Variants in PCDH11X observed in about 807,000 individuals in gnomAD.
The protein encoded by PCDH11X is protocadherin 11 X-linked.
Under a neutral mutation model 53.3 loss-of-function variants are expected in PCDH11X, and 18 were observed. The observed-to-expected ratio is 0.34, with a 90% confidence interval of 0.23 to 0.50. The LOEUF is 0.50. Among genes scored for constraint, PCDH11X ranks in the 20% least tolerant of loss-of-function variants. The probability of loss-of-function intolerance (pLI) is 0.98; values close to 1 mark genes in which losing one functional copy is unlikely to be tolerated. For synonymous variants in PCDH11X, 279 were observed against 393.3 expected (o/e 0.71, Z 3.44); for missense variants, 570 against 1,032.4 (o/e 0.55, Z 6.14).
chrX:92,031,531 A>G (rs1474117872), intron 6 of PCDH11X, among the ~76,000 whole-genome samples: 1 of 110,750 alleles, frequency 9.0e-6, no homozygotes, highest in Admixed American at 9.7e-5. Context: ...CTTGGCTTGT[A>G]GGGTATGACT....
At chrX:92,569,410 C>A (rs956109490) in intron 10 of PCDH11X, among the ~76,000 whole-genome samples, 30 of 108,034 alleles carry the variant, frequency 2.8e-4, no homozygotes, top group Middle Eastern at 4.8e-3. Context: ...TTAAGGGCCA[C>A]CTCAACACAC....
At chrX:92,175,301 TC>T (rs1390132950) in intron 6 of PCDH11X, among the ~76,000 whole-genome samples, 1 of 111,615 alleles carries the variant, frequency 9.0e-6, no homozygotes, top group African/African-American at 3.3e-5. Context: ...TTTTAAACTG[TC>T]AGTTAATCAT....
chrX:92,100,247 CG>C (rs759170657), intron 6 of PCDH11X, among the ~76,000 whole-genome samples: 61 of 111,582 alleles, frequency 5.5e-4, no homozygotes, highest in Non-Finnish European at 1.0e-3. Context: ...CTTTCATGCG[CG>C]TCCCTGTGAA....
chrX:92,320,063 T>C (rs2069165773), intron 8 of PCDH11X, among the ~76,000 whole-genome samples: 1 of 110,755 alleles, frequency 9.0e-6, no homozygotes, highest in Non-Finnish European at 1.9e-5. Context: ...AGTTAATGGG[T>C]TTGGGGTTGA....
Position 92,035,958 on chromosome X carries a change from C to A in PCDH11X, c.3033+156685C>A, listed in dbSNP as rs1378455328. Among the ~76,000 whole-genome samples, 26 of 26,675 alleles carry A rather than the reference C, an allele frequency of 9.7e-4. 1 individual carries two copies. The highest frequency in any genetic ancestry group is 4.2e-3 in the African/African-American group (23 of 5,467). 23.2% of individuals were successfully genotyped at this position (26,675 alleles called of 115,157 possible). The stretch of plus-strand genomic sequence containing the variant: ...AAGAGTCGATGCATTCTTTAGTATG[C>A]CAATTTCAATTTTCAACTCCATAAT... On this transcript the variant is annotated intron_variant, in intron 6 of 10. Transcript: ENST00000682573.
chrX:92,268,360 C>T (rs903451125), intron 8 of PCDH11X, among the ~76,000 whole-genome samples: 65 of 110,046 alleles, frequency 5.9e-4, no homozygotes, highest in African/African-American at 2.1e-3. Flanking sequence ...GGTGTGATCC[C>T]AGCTCACTGC....
intron 6 of PCDH11X, among the ~76,000 whole-genome samples, chrX:92,093,075 A>G (rs1323163685): frequency 9.0e-6 from 1 of 111,178 alleles, no homozygotes; most frequent in East Asian, 2.8e-4. Flanking sequence ...CCATAACTGA[A>G]AGTTTCCTGA....
intron 8 of PCDH11X, among the ~76,000 whole-genome samples, chrX:92,373,500 G>GT (rs1046675414): frequency 5.4e-5 from 6 of 111,252 alleles, no homozygotes; most frequent in Admixed American, 1.9e-4. Context: ...TGCACCTGCT[G>GT]TTTTTCAAAT....
At chrX:92,383,736 TTGGG>T (rs1393558715) in intron 8 of PCDH11X, among the ~76,000 whole-genome samples, 2 of 111,932 alleles carry the variant, frequency 1.8e-5, no homozygotes, top group Non-Finnish European at 3.8e-5. Flanking sequence ...TGTTGGACAT[TTGGG>T]TTGGTTCCAA....
At chrX:92,545,494 C>T (rs1378983215) in intron 10 of PCDH11X, among the ~76,000 whole-genome samples, 6 of 104,096 alleles carry the variant, frequency 5.8e-5, no homozygotes, top group Non-Finnish European at 1.2e-4. Flanking sequence ...CTCCGCTTCC[C>T]GGGTTCATGT....
intron 8 of PCDH11X, among the ~76,000 whole-genome samples, chrX:92,350,092 T>C (rs2070006538): frequency 9.0e-6 from 1 of 110,900 alleles, no homozygotes; most frequent in Non-Finnish European, 1.9e-5. Flanking sequence ...TTGCTTTTTA[T>C]TTACGCTATC....
intron 7 of PCDH11X, among the ~76,000 whole-genome samples, chrX:92,234,236 C>A: frequency 8.9e-6 from 1 of 111,781 alleles, no homozygotes; most frequent in Middle Eastern, 4.6e-3. Context: ...AGTTATAGAA[C>A]TAAAAGTTAT....
intron 10 of PCDH11X, among the ~76,000 whole-genome samples, chrX:92,599,705 G>A (rs1262326067): frequency 4.5e-5 from 5 of 111,489 alleles, no homozygotes; most frequent in Non-Finnish European, 9.4e-5. Flanking sequence ...TAAGATACCC[G>A]AAAATGTGGA....
At chrX:92,289,226 G>A (rs746226054) in intron 8 of PCDH11X, among the ~76,000 whole-genome samples, 14 of 110,383 alleles carry the variant, frequency 1.3e-4, no homozygotes, top group Non-Finnish European at 2.3e-4. Context: ...TATTATATGC[G>A]TTATGAAGGA....
chrX:92,188,958 A>G (rs1275484278), intron 6 of PCDH11X, among the ~76,000 whole-genome samples: 1 of 111,864 alleles, frequency 8.9e-6, no homozygotes, highest in Non-Finnish European at 1.9e-5. Context: ...AAATTTGATT[A>G]GCATAAAGCC....
intron 6 of PCDH11X, among the ~76,000 whole-genome samples, chrX:91,954,606 A>G (rs746207853): frequency 7.6e-4 from 84 of 110,442 alleles, no homozygotes; most frequent in African/African-American, 2.6e-3. Context: ...TTTCTCCACA[A>G]TTTTACCAGC....
chrX:92,474,420 G>A (rs1383400022), intron 10 of PCDH11X, among the ~76,000 whole-genome samples: 1 of 104,521 alleles, frequency 9.6e-6, no homozygotes, highest in African/African-American at 3.5e-5. Context: ...CCTTTTGATT[G>A]GAGAATTTAG....
chrX:92,012,414 T>G (rs1272144554), intron 6 of PCDH11X, among the ~76,000 whole-genome samples: 1 of 111,290 alleles, frequency 9.0e-6, no homozygotes, highest in Non-Finnish European at 1.9e-5. Flanking sequence ...CCATATTCTC[T>G]TTGTAATTGG....
chrX:92,321,232 G>A (rs1161383449), intron 8 of PCDH11X, among the ~76,000 whole-genome samples: 2 of 92,477 alleles, frequency 2.2e-5, no homozygotes, highest in African/African-American at 4.2e-5. Context: ...TCGCTCTGTC[G>A]CCCAGGCTGG....
Sources: gnomAD v4.1 joint callset for allele counts (sites outside exome capture counted in the v4.1 genomes callset) on GRCh38, gnomAD v4.1.1 for gene constraint, MANE v1.5 for transcripts, NCBI Gene and HGNC (gene_info 2026-07-23, HGNC 2026-07-21) for gene names.